The following FBXW8 variants were observed in gnomAD, a reference collection of about 807,000 sequenced individuals.
FBXW8 encodes the protein F-box and WD repeat domain containing 8, also known as F-box/WD repeat-containing protein 8.
A neutral mutation model predicts 65.3 loss-of-function variants in FBXW8; 57 were observed. The observed-to-expected ratio is 0.87, with a 90% confidence interval of 0.71 to 1.09. The LOEUF is 1.09. Ranked by LOEUF, FBXW8 falls within the 50% of genes least tolerant of loss-of-function variation. FBXW8 has a pLI of 0.00. For missense variants in FBXW8, 777 were observed against 814.8 expected (o/e 0.95, Z 0.57); for synonymous variants, 308 against 330.2 (o/e 0.93, Z 0.73).
At chr12:117,003,347 C>G (rs1953587101) in intron 7 of FBXW8, among the ~76,000 whole-genome samples, 1 of 152,246 alleles carries the variant, frequency 6.6e-6, no homozygotes, top group African/African-American at 2.4e-5. Context: ...TCTGTTCCTT[C>G]CAGACAGTGC....
intron 6 of FBXW8, chr12:116,985,884 G>A (rs1885643895): frequency 6.5e-6 from 1 of 153,350 alleles, no homozygotes; most frequent in Non-Finnish European, 1.5e-5. Context: ...ACTCTTGCGT[G>A]AAGATAGATT....
chr12:116,955,834 G>A (rs902672343), intron 4 of FBXW8, among the ~76,000 whole-genome samples: 2 of 152,176 alleles, frequency 1.3e-5, no homozygotes, highest in South Asian at 4.1e-4. Flanking sequence ...CTGAGGTGCA[G>A]GGCTAGGTGT....
At chr12:116,914,785 G>C (rs1357067614) in intron 1 of FBXW8, among the ~76,000 whole-genome samples, 1 of 152,168 alleles carries the variant, frequency 6.6e-6, no homozygotes, top group Non-Finnish European at 1.5e-5. Flanking sequence ...TGAGGCAGGA[G>C]AATCTCTTGA....
intron 5 of FBXW8, among the ~76,000 whole-genome samples, chr12:116,983,322 C>T (rs1254636110): frequency 6.6e-6 from 1 of 152,108 alleles, no homozygotes; most frequent in Non-Finnish European, 1.5e-5. Context: ...AAGAATTTGC[C>T]AAAATAATTG....
chr12:116,911,670 A>G (rs12823620), intron 1 of FBXW8, among the ~76,000 whole-genome samples: 99,336 of 151,872 alleles, frequency 0.65, 37,747 homozygotes, highest in Non-Finnish European at 0.84. Flanking sequence ...CCTACAGTGT[A>G]CAGGACACCA....
intron 5 of FBXW8, among the ~76,000 whole-genome samples, chr12:116,969,304 G>A (rs147055327): frequency 0.01 from 1,561 of 152,240 alleles, 24 homozygotes; most frequent in African/African-American, 0.036. Flanking sequence ...CTCTCATGCT[G>A]AGCTTGTTTC....
chr12:116,932,184 T>C (rs1881821309), intron 2 of FBXW8, among the ~76,000 whole-genome samples: 1 of 152,202 alleles, frequency 6.6e-6, no homozygotes, highest in South Asian at 2.1e-4. Flanking sequence ...GGGTGTATGA[T>C]TGCTAACCAT....
Position 116,974,775 on chromosome 12 carries a change from C to T in FBXW8, c.835+9921C>T, listed in dbSNP as rs187579823. On this transcript the variant is annotated intron_variant, in intron 5 of 10. Transcript: ENST00000652555. ...AAGAATATATTGTGTACCCTGGTAA[C>T]AGTAAGCACAGCTAGTGCCCAGATT... Among the ~76,000 whole-genome samples the T allele has an allele frequency of 8.5e-5, 13 of 152,258 alleles. No individual in the cohort carries two copies. The East Asian group carries it at 1.7e-3, about 20-fold the overall frequency.
chr12:116,976,713 T>C (rs556643916), intron 5 of FBXW8, among the ~76,000 whole-genome samples: 1 of 151,516 alleles, frequency 6.6e-6, no homozygotes, highest in Non-Finnish European at 1.5e-5. Context: ...TGATCTGCCC[T>C]CCCTCAGCCT....
intron 7 of FBXW8, among the ~76,000 whole-genome samples, chr12:116,991,346 GA>G (rs1953235026): frequency 6.6e-6 from 1 of 152,196 alleles, no homozygotes; most frequent in African/African-American, 2.4e-5. Context: ...TGCTTCCTCA[GA>G]AAAACTTGAA....
In FBXW8 at chr12:116,928,063, C is replaced by T. The variant is rs373731829; in HGVS notation, c.359C>T (p.Pro120Leu). Reference sequence around the variant, plus strand: ...GTGCCTTTCTTTGATATCCAACTGCCTTACGAATTGGCAATCAATATATTT... The same window carrying T: ...GTGCCTTTCTTTGATATCCAACTGCTTTACGAATTGGCAATCAATATATTT... ...NDVPFFDIQL[P>L]YELAINIFQY... The change falls in exon 2 of 11, where the codon CCT becomes CTT. Residue 120 changes from proline (P) to leucine (L), a missense_variant. Transcript: ENST00000652555. The T allele has an allele frequency of 2.4e-5, 39 of 1,611,612 alleles. No individual in the cohort carries two copies. In the African/African-American group the frequency reaches 4.9e-4, roughly 20 times the overall value.
Position 117,028,272 on chromosome 12 carries a change from G to A in FBXW8, c.*100G>A, listed in dbSNP as rs896312447. On this transcript the variant is annotated 3_prime_UTR_variant, in exon 11 of 11. Transcript: ENST00000652555. The surrounding 1 kb of genome is among the most constrained non-coding windows in gnomAD (Gnocchi z 4.1). ...CTTCACAGGTGGTAAACATTTAGGG[G>A]AAGAAAGCAGCCCAGGGTGCCATGC... 1 of 1,438,880 alleles carries A rather than the reference G, an allele frequency of 6.9e-7. No homozygotes were observed. Among genetic ancestry groups the A allele is most frequent in the Non-Finnish European group, 9.4e-7 (1 of 1,061,752 alleles). The allele number at this position is 1,438,880 out of a possible 1,614,324, so 89.1% of individuals were successfully genotyped here. A position where few individuals can be genotyped will look rare whatever the true frequency, so the allele number is the denominator to read the frequency against.
chr12:116,976,658 G>A (rs988266642), intron 5 of FBXW8, among the ~76,000 whole-genome samples: 3 of 148,678 alleles, frequency 2.0e-5, no homozygotes, highest in Admixed American at 1.3e-4. Context: ...TAGAGATGGC[G>A]TTTCACCCTG....
intron 5 of FBXW8, among the ~76,000 whole-genome samples, chr12:116,974,744 CA>C (rs1263765815): frequency 6.6e-6 from 1 of 151,904 alleles, no homozygotes; most frequent in Non-Finnish European, 1.5e-5. Context: ...CACCTGCCTC[CA>C]AAAAAAGAAT....
intron 1 of FBXW8, among the ~76,000 whole-genome samples, chr12:116,920,011 C>A (rs1195229009): frequency 6.6e-6 from 1 of 152,184 alleles, no homozygotes; most frequent in Non-Finnish European, 1.5e-5. Flanking sequence ...GACAGCAAAC[C>A]AAACCAAATG....
At chr12:116,914,136 G>T (rs1268704531) in intron 1 of FBXW8, among the ~76,000 whole-genome samples, 1 of 152,088 alleles carries the variant, frequency 6.6e-6, no homozygotes, top group Non-Finnish European at 1.5e-5. Flanking sequence ...AGCTAGGTGT[G>T]GTGGTGCACC....
chr12:117,005,700 C>A (rs1953658268), intron 7 of FBXW8, among the ~76,000 whole-genome samples: 1 of 152,198 alleles, frequency 6.6e-6, no homozygotes, highest in South Asian at 2.1e-4. Context: ...CCAAGGACAT[C>A]ATGGAGAAGA....
intron 1 of FBXW8, among the ~76,000 whole-genome samples, chr12:116,914,572 C>A (rs1395843394): frequency 4.0e-3 from 334 of 83,574 alleles, no homozygotes; most frequent in African/African-American, 7.9e-3. Flanking sequence ...AACCCTGTCT[C>A]AAAAAAAAAA....
chr12:117,028,155 C>T lies in FBXW8; in HGVS notation c.1780C>T (p.Pro594Ser). Residue 594 changes from proline (P) to serine (S), a missense_variant, in exon 11 of 11, where the codon CCC (proline) becomes TCC (serine). Physicochemically the swap from Pro to Ser is moderately conservative, Grantham distance 74 (BLOSUM62 -1). Coordinates refer to ENST00000652555, the MANE Select transcript of FBXW8 (RefSeq NM_153348.3). This position sits in a 1 kb window ranked among gnomAD's most constrained non-coding sequence, Gnocchi z 4.1. ...THYYDLALAF[P>S]YNHV Reference sequence around the variant, plus strand: ...CTACTACGACCTCGCACTGGCCTTTCCCTATAACCATGTTTAGGGATGTGC... The same window carrying T: ...CTACTACGACCTCGCACTGGCCTTTTCCTATAACCATGTTTAGGGATGTGC... 1 of 1,614,122 alleles carries T rather than the reference C, an allele frequency of 6.2e-7. No individual in the cohort carries two copies. The highest frequency in any genetic ancestry group is 1.3e-5 in the African/African-American group (1 of 75,058).
Sources: allele counts gnomAD v4.1 joint callset (sites outside exome capture counted in the v4.1 genomes callset), GRCh38; gene constraint gnomAD v4.1.1; non-coding constraint Gnocchi (gnomAD v3.1); transcripts MANE v1.5; gene names NCBI Gene and HGNC (gene_info 2026-07-23, HGNC 2026-07-21).